The following GNPAT variants were observed in gnomAD, a reference collection of about 807,000 sequenced individuals.
The protein encoded by GNPAT is dihydroxyacetone phosphate acyltransferase.
A neutral mutation model predicts 78.4 loss-of-function variants in GNPAT; 30 were observed. The observed-to-expected ratio is 0.38, with a 90% CI of 0.29 to 0.52. GNPAT has a LOEUF of 0.52. Among genes scored for constraint, GNPAT ranks in the 20% least tolerant of loss-of-function variants. GNPAT has a pLI of 0.84. For synonymous variants in GNPAT, 271 were observed against 281.1 expected (o/e 0.96, Z 0.36); for missense variants, 714 against 812.2 (o/e 0.88, Z 1.47).
In GNPAT at chr1:231,241,434, G is replaced by C. The variant is rs1241350008; in HGVS notation, c.56G>C (p.Ser19Thr). The C allele has an allele frequency of 1.2e-6, 2 of 1,613,382 alleles. No homozygotes were observed. The highest frequency in any genetic ancestry group is 3.3e-5 in the Admixed American group (2 of 60,028). ...TTCTCCGTTGGCCCAACCAGTCCCA[G>C]CGCTGTCGTGCTCCTCTACTCGGTA... ...SYFSVGPTSPSAVVLLYSKEL... is the reference protein window; with the variant it reads ...SYFSVGPTSPTAVVLLYSKEL... The change falls in exon 1 of 16, where the codon AGC becomes ACC. Residue 19 changes from serine (S) to threonine (T), a missense_variant. Transcript: ENST00000366647.
intron 10 of GNPAT, 136 bp downstream of exon 10, chr1:231,271,136 G>T (rs1685553779): frequency 3.8e-6 from 4 of 1,039,686 alleles, no homozygotes; most frequent in Non-Finnish European, 6.0e-6. Flanking sequence ...GAAAAAGTTA[G>T]CTTTGTTCCC....
In GNPAT at chr1:231,274,005, A is replaced by G; in HGVS notation, c.1686A>G (p.Gly562=). 1 of 1,612,272 alleles carries G rather than the reference A, an allele frequency of 6.2e-7. No individual in the cohort carries two copies. The change falls in exon 12 of 16, where the codon GGA becomes GGG. Residue 562 remains glycine (G), a synonymous_variant. Transcript: ENST00000366647. ...AAGACATCCTAGTTACAGAGAAAGG[A>G]AATACTGTGTTAGAATTTTTAGTAG... ...TTKDILVTEK[G]NTVLEFLVGL...
At chr1:231,248,988 T>C (rs1684821909) in intron 1 of GNPAT, among the ~76,000 whole-genome samples, 1 of 152,192 alleles carries the variant, frequency 6.6e-6, no homozygotes, top group African/African-American at 2.4e-5. Context: ...TTTCTCAGAG[T>C]GTATCTCTGT....
intron 8 of GNPAT, among the ~76,000 whole-genome samples, chr1:231,266,797 T>C (rs1212743385): frequency 1.3e-5 from 2 of 152,218 alleles, no homozygotes; most frequent in Non-Finnish European, 2.9e-5. Flanking sequence ...TGGTAATGAA[T>C]GGGAGTGAGT....
intron 3 of GNPAT, among the ~76,000 whole-genome samples, chr1:231,261,712 T>C (rs748304655): frequency 2.0e-5 from 3 of 152,266 alleles, no homozygotes; most frequent in South Asian, 2.1e-4. Context: ...TTAATTATTA[T>C]GTTAATGATT....
At chr1:231,267,935 C>T in intron 9 of GNPAT, 32 bp downstream of exon 9, 1 of 1,291,018 alleles carries the variant, frequency 7.7e-7, no homozygotes. Context: ...GTTGAGAATG[C>T]TTGCTTAATT....
intron 12 of GNPAT, among the ~76,000 whole-genome samples, chr1:231,274,481 A>G (rs987416124): frequency 1.3e-4 from 20 of 152,212 alleles, no homozygotes; most frequent in Non-Finnish European, 4.4e-5. Flanking sequence ...CCAGATGTTT[A>G]TGTTGGAAAG....
rs1432870240 is a variant in GNPAT at position 231,260,525 on chromosome 1, C to T, written c.280C>T (p.Gln94Ter). ...CTTTTAGCTTTCCAAGGAATCCCTTCAATCTGTGGATGTCCTCCGAGAGGA... is the reference window on the plus strand; with the variant it reads ...CTTTTAGCTTTCCAAGGAATCCCTTTAATCTGTGGATGTCCTCCGAGAGGA... ...VIKQLSKESLQSVDVLREEVS... is the reference protein window; with the variant it reads ...VIKQLSKESL Residue 94 changes from glutamine (Q) to a stop codon, truncating the protein, a stop_gained, in exon 3 of 16, where the codon CAA becomes TAA. Coordinates refer to ENST00000366647, the MANE Select transcript of GNPAT (RefSeq NM_014236.4). LOFTEE classifies it high-confidence loss of function. 6.2e-7 allele frequency: 1 copy of T among 1,609,184 alleles called. No homozygotes were observed. The highest frequency in any genetic ancestry group is 1.7e-5 in the Admixed American group (1 of 60,004).
chr1:231,270,713 C>G lies in GNPAT; in HGVS notation c.1280-45C>G, dbSNP rs775141427. On this transcript the variant is annotated intron_variant, in intron 9 of 15. Coordinates refer to ENST00000366647, the MANE Select transcript of GNPAT (RefSeq NM_014236.4). Reference sequence around the variant, plus strand: ...TTAACGTACGCTAGGCCTAAGACTCCCTGCAGTGACCCATCTTGTTTGAAT... The same window carrying G: ...TTAACGTACGCTAGGCCTAAGACTCGCTGCAGTGACCCATCTTGTTTGAAT... 3.1e-5 allele frequency: 49 copies of G among 1,606,410 alleles called. No individual in the cohort carries two copies. The South Asian group carries it at 4.8e-4, about 16-fold the overall frequency.
chr1:231,254,064 C>T (rs1226036561), intron 2 of GNPAT, among the ~76,000 whole-genome samples: 5 of 152,182 alleles, frequency 3.3e-5, no homozygotes, highest in African/African-American at 7.2e-5. Context: ...CCGCCCACCT[C>T]GGCCTCCCAA....
intron 2 of GNPAT, among the ~76,000 whole-genome samples, chr1:231,256,232 A>G (rs1335586935): frequency 6.6e-6 from 1 of 152,110 alleles, no homozygotes; most frequent in East Asian, 1.9e-4. Flanking sequence ...GTCTACTAGA[A>G]TATCCACTTG....
At chr1:231,243,441 A>G (rs1440905413) in intron 1 of GNPAT, among the ~76,000 whole-genome samples, 1 of 152,060 alleles carries the variant, frequency 6.6e-6, no homozygotes, top group African/African-American at 2.4e-5. Flanking sequence ...CTCCTGCCTC[A>G]GCCTCCCGAG....
At chr1:231,244,555 G>C (rs1684698658) in intron 1 of GNPAT, among the ~76,000 whole-genome samples, 2 of 152,154 alleles carry the variant, frequency 1.3e-5, no homozygotes, top group African/African-American at 4.8e-5. Flanking sequence ...AGAGGAGCAG[G>C]TTTGGTCAGG....
At chr1:231,249,589 C>A (rs1370889870) in intron 1 of GNPAT, among the ~76,000 whole-genome samples, 1 of 152,148 alleles carries the variant, frequency 6.6e-6, no homozygotes, top group East Asian at 1.9e-4. Flanking sequence ...GACATGCATA[C>A]AATTACAGTG....
chr1:231,274,746 C>T (rs368236924), intron 12 of GNPAT: 7 of 204,216 alleles, frequency 3.4e-5, no homozygotes, highest in African/African-American at 1.7e-4. Flanking sequence ...CGTGAAATAA[C>T]TCATTCAGCC....
At chr1:231,245,970 A>C (rs1330411556) in intron 1 of GNPAT, among the ~76,000 whole-genome samples, 1 of 145,850 alleles carries the variant, frequency 6.9e-6, no homozygotes, top group East Asian at 1.9e-4. Flanking sequence ...ACTCTGTCTC[A>C]AAAAAAAAAA....
intron 4 of GNPAT, among the ~76,000 whole-genome samples, chr1:231,263,428 A>G (rs553576592): frequency 6.6e-6 from 1 of 152,100 alleles, no homozygotes; most frequent in South Asian, 2.1e-4. Flanking sequence ...ACTACTCTAG[A>G]TGCTTGATAT....
rs1685760321 is a variant in GNPAT at position 231,277,868 on chromosome 1, A to T, written c.*326A>T. 1 of 216,340 alleles carries T rather than the reference A, an allele frequency of 4.6e-6. No homozygotes were observed. The highest frequency in any genetic ancestry group is 2.3e-5 in the African/African-American group (1 of 44,086). 13.4% of individuals were successfully genotyped at this position (216,340 alleles called of 1,614,324 possible). A position where few individuals can be genotyped will look rare whatever the true frequency, so the allele number is the denominator to read the frequency against. On this transcript the variant is annotated 3_prime_UTR_variant, in exon 16 of 16. Coordinates refer to ENST00000366647, the MANE Select transcript of GNPAT (RefSeq NM_014236.4). ...TATTAAACTTTTATGTTGACTTTTG[A>T]ATTAAAGTATGACAACACTGAAAGC...
chr1:231,277,329 T>C (rs1685745391), intron 15 of GNPAT, among the ~76,000 whole-genome samples, 170 bp from the exon 16 acceptor site: 1 of 152,218 alleles, frequency 6.6e-6, no homozygotes. Flanking sequence ...TCTTGGAGCA[T>C]CTACCGCTTC....
Sources: allele counts gnomAD v4.1 joint callset (sites outside exome capture counted in the v4.1 genomes callset), GRCh38; gene constraint gnomAD v4.1.1; transcripts MANE v1.5; gene names NCBI Gene and HGNC (gene_info 2026-07-23, HGNC 2026-07-21).